ATP11A: variants seen among roughly 807,000 people sequenced by gnomAD.
ATP11A encodes the protein phospholipid-transporting ATPase IH.
Under a neutral mutation model 154.4 loss-of-function variants are expected in ATP11A, and 81 were observed. The ratio of observed to expected loss-of-function variants is 0.52; its 90% CI spans 0.44 to 0.63. ATP11A has a LOEUF of 0.63. ATP11A is among the 30% of genes least tolerant of loss of function. The pLI, the probability that ATP11A is intolerant of heterozygous loss-of-function variation, is 0.00. For missense variants in ATP11A, 1,316 were observed against 1,474.3 expected (o/e 0.89, Z 1.76); for synonymous variants, 623 against 585.9 (o/e 1.06, Z -0.91).
chr13:112,710,354 G>A (rs1283197806), intron 1 of ATP11A, among the ~76,000 whole-genome samples: 1 of 152,214 alleles, frequency 6.6e-6, no homozygotes, highest in African/African-American at 2.4e-5. Flanking sequence ...CACACCGTGT[G>A]TGACTGGAAA....
rs968966867 is a variant in ATP11A, at chr13:112,859,483, T to C, written c.2727+31T>C. 3 of 1,583,850 alleles carry C rather than the reference T, an allele frequency of 1.9e-6. No individual in the cohort carries two copies. Among genetic ancestry groups the C allele is most frequent in the Non-Finnish European group, 2.6e-6 (3 of 1,152,794 alleles). On this transcript the variant is annotated intron_variant, in intron 23 of 29. Coordinates refer to ENST00000375645, the MANE Select transcript of ATP11A (RefSeq NM_015205.3). This position sits in a 1 kb window ranked among gnomAD's most constrained non-coding sequence, Gnocchi z 4.3. ...TCCTAGGGTCTTCAGGGACAGGCTG[T>C]CTGAGCCTTCTTTTCCTTCCCGCAG... is the stretch of plus-strand genomic sequence containing the variant.
Position 112,875,700 on chromosome 13 carries a change from G to T in ATP11A, c.3162-76G>T. 1 of 1,488,350 alleles carries T rather than the reference G, an allele frequency of 6.7e-7. No individual in the cohort carries two copies. The highest frequency in any genetic ancestry group is 1.3e-5 in the South Asian group (1 of 79,850). The allele number at this position is 1,488,350 out of a possible 1,614,324, so 92.2% of individuals were successfully genotyped here. On this transcript the variant is annotated intron_variant, in intron 27 of 29. Coordinates refer to ENST00000375645, the MANE Select transcript of ATP11A (RefSeq NM_015205.3). This position sits in a 1 kb window ranked among gnomAD's most constrained non-coding sequence, Gnocchi z 4.1. The stretch of plus-strand genomic sequence containing the variant: ...AAAAGTGTAAACTCCCTGAACAGAC[G>T]GCCTCTCCAGTGAGTAGAGAGGCCA...
At chr13:112,864,000 G>C (rs180715288) in intron 25 of ATP11A, among the ~76,000 whole-genome samples, 81 of 29,854 alleles carry the variant, frequency 2.7e-3, no homozygotes, top group Admixed American at 4.8e-3. Flanking sequence ...CCATCACCAC[G>C]TGCACAGTAA....
At chr13:112,783,993 T>G (rs1475961598) in intron 1 of ATP11A, among the ~76,000 whole-genome samples, 15 of 152,164 alleles carry the variant, frequency 9.9e-5, no homozygotes, top group Non-Finnish European at 1.5e-5. Flanking sequence ...CATCTGCAGA[T>G]GCAGGGCCGG....
Position 112,853,281 on chromosome 13 carries a change from T to TAC in ATP11A, c.1992-984_1992-983dup, listed in dbSNP as rs71879208. Among the ~76,000 whole-genome samples, 632 of 151,410 alleles carry TAC rather than the reference T, an allele frequency of 4.2e-3. 11 individuals carry two copies. Among genetic ancestry groups the TAC allele is most frequent in the Admixed American group, 0.031 (464 of 15,158 alleles). On this transcript the variant is annotated intron_variant, in intron 18 of 29. Coordinates refer to ENST00000375645, the MANE Select transcript of ATP11A (RefSeq NM_015205.3). The stretch of plus-strand genomic sequence containing the variant: ...ATATATGCACACACACATATGTACA[T>TAC]ACACACACACACACATATATATATA...
chr13:112,766,308 T>G (rs1231700973), intron 1 of ATP11A, among the ~76,000 whole-genome samples: 2 of 152,174 alleles, frequency 1.3e-5, no homozygotes, highest in African/African-American at 4.8e-5. Flanking sequence ...CTGTCTCTAG[T>G]AATAAGCAGA....
At position 112,823,369 on chromosome 13, in the gene ATP11A, G is replaced by A. The variant is rs892883834; in HGVS notation, c.750G>A (p.Leu250=). 9 of 1,613,644 alleles carry A rather than the reference G, an allele frequency of 5.6e-6. No homozygotes were observed. The highest frequency in any genetic ancestry group is 7.6e-6 in the Non-Finnish European group (9 of 1,179,768). The change falls in exon 9 of 30, where the codon CTG becomes CTA. Residue 250 remains leucine (L), a synonymous_variant. Coordinates refer to ENST00000375645, the MANE Select transcript of ATP11A (RefSeq NM_015205.3). The part of the protein sequence containing the change: ...VVRPLGSENL[L]LRGATLKNTE... ...GGCCCTTAGGATCGGAAAACCTGCT[G>A]CTTAGAGGAGCTACACTGAAGAACA...
rs183130832 is a variant in ATP11A at position 112,859,029 on chromosome 13, C to A, written c.2668-364C>A. ...GAGACCCCCAGCCCTTTTCTCCCCCCACAGAATTGAGTGTGGAACCAGTGA... is the reference window on the plus strand; with the variant it reads ...GAGACCCCCAGCCCTTTTCTCCCCCAACAGAATTGAGTGTGGAACCAGTGA... On this transcript the variant is annotated intron_variant, in intron 22 of 29. Coordinates refer to ENST00000375645, the MANE Select transcript of ATP11A (RefSeq NM_015205.3). This position sits in a 1 kb window ranked among gnomAD's most constrained non-coding sequence, Gnocchi z 4.3. The A allele has an allele frequency of 2.6e-4, 75 of 285,162 alleles. No individual in the cohort carries two copies. Among genetic ancestry groups the A allele is most frequent in the African/African-American group, 1.6e-3 (74 of 45,086 alleles). The allele number at this position is 285,162 out of a possible 1,614,324, so 17.7% of individuals were successfully genotyped here.
At chr13:112,862,956 G>T (rs1459886391) in intron 25 of ATP11A, among the ~76,000 whole-genome samples, 1 of 147,314 alleles carries the variant, frequency 6.8e-6, no homozygotes, top group East Asian at 2.0e-4. Context: ...CAGCTTCCCA[G>T]CGGGATCCAT....
chr13:112,860,377 G>A lies in ATP11A; in HGVS notation c.2818G>A (p.Gly940Ser). ...GTACAGCCTCATGGAGCAGCATGTT[G>A]GCATTGACGTGCTCAAGAGAGACCC... is the stretch of plus-strand genomic sequence containing the variant. The part of the protein sequence containing the change: ...LLYSLMEQHV[G>S]IDVLKRDPTL... The change falls in exon 24 of 30, where the codon GGC (glycine) becomes AGC (serine). Residue 940 changes from glycine (G) to serine (S), a missense_variant. Physicochemically the swap from Gly to Ser is moderately conservative, Grantham distance 56. Coordinates refer to ENST00000375645, the MANE Select transcript of ATP11A (RefSeq NM_015205.3). 6.2e-7 allele frequency: 1 copy of A among 1,614,110 alleles called. No homozygotes were observed. The highest frequency in any genetic ancestry group is 1.1e-5 in the South Asian group (1 of 91,070).
chr13:112,814,516 G>T (rs1173185922), intron 5 of ATP11A, among the ~76,000 whole-genome samples: 1 of 152,206 alleles, frequency 6.6e-6, no homozygotes, highest in Non-Finnish European at 1.5e-5. Flanking sequence ...ATTTTGAGAT[G>T]ATTTTTGTAT....
At chr13:112,868,630 G>A (rs1048461951) in intron 25 of ATP11A, among the ~76,000 whole-genome samples, 4 of 152,184 alleles carry the variant, frequency 2.6e-5, no homozygotes, top group Admixed American at 2.6e-4. Flanking sequence ...CCTGTGAAAA[G>A]CCCTTTGAAA....
chr13:112,849,266 A>G (rs1033196337), intron 17 of ATP11A, among the ~76,000 whole-genome samples: 2 of 152,200 alleles, frequency 1.3e-5, no homozygotes, highest in Non-Finnish European at 2.9e-5. Context: ...ATTTGCATCT[A>G]TATTTCTAAG....
intron 1 of ATP11A, among the ~76,000 whole-genome samples, chr13:112,700,529 A>C (rs1379095638): frequency 6.6e-6 from 1 of 152,192 alleles, no homozygotes; most frequent in East Asian, 1.9e-4. Context: ...CTGGGTGCTG[A>C]GGGTGGTGGG....
intron 1 of ATP11A, among the ~76,000 whole-genome samples, chr13:112,776,337 C>T (rs1380171622): frequency 1.3e-5 from 2 of 152,144 alleles, no homozygotes; most frequent in Non-Finnish European, 2.9e-5. Flanking sequence ...TTCCTCCATG[C>T]TGCCTGCTCC....
intron 2 of ATP11A, among the ~76,000 whole-genome samples, chr13:112,791,442 G>A (rs909651438): frequency 6.6e-6 from 1 of 152,216 alleles, no homozygotes; most frequent in Non-Finnish European, 1.5e-5. Flanking sequence ...TGCTGTGTGG[G>A]GTCACAGGGA....
At chr13:112,880,865 G>T in intron 29 of ATP11A, 1 of 1,060,684 alleles carries the variant, frequency 9.4e-7, no homozygotes, top group Non-Finnish European at 1.2e-6. Flanking sequence ...ACACACGTGT[G>T]CACACTCACC....
In ATP11A at chr13:112,720,777, C is replaced by T. The variant is rs374935502; in HGVS notation, c.39+30322C>T. 1.2e-4 allele frequency among the ~76,000 whole-genome samples: 19 copies of T among 152,176 alleles called. No individual in the cohort carries two copies. The South Asian group carries it at 3.3e-3, about 27-fold the overall frequency. On this transcript the variant is annotated intron_variant, in intron 1 of 29. Transcript: ENST00000375645. ...TTCACCGTGTTGGCCAGGCTGGTCT[C>T]GATCTCTTAACCTTGTGATCCACCT... is the stretch of plus-strand genomic sequence containing the variant.
At chr13:112,748,201 C>T (rs374739198) in intron 1 of ATP11A, among the ~76,000 whole-genome samples, 1 of 152,160 alleles carries the variant, frequency 6.6e-6, no homozygotes, top group South Asian at 2.1e-4. Flanking sequence ...CACATCTGGT[C>T]CCAAGCATTT....
Sources: gnomAD v4.1 joint callset for allele counts (sites outside exome capture counted in the v4.1 genomes callset) on GRCh38, gnomAD v4.1.1 for gene constraint, Gnocchi (gnomAD v3.1) non-coding constraint, MANE v1.5 for transcripts, NCBI Gene and HGNC (gene_info 2026-07-23, HGNC 2026-07-21) for gene names.